The following CSMD1 variants were observed in gnomAD, a reference collection of about 807,000 sequenced individuals.
The protein encoded by CSMD1 is CUB and sushi domain-containing protein 1.
In CSMD1, 213 loss-of-function variants were observed where a neutral mutation model predicts 417.5. The ratio of observed to expected loss-of-function variants is 0.51; its 90% CI spans 0.46 to 0.57. The LOEUF is 0.57. CSMD1 is among the 20% of genes least tolerant of loss of function. The probability of loss-of-function intolerance (pLI) is 0.00; values close to 1 mark genes in which losing one functional copy is unlikely to be tolerated. For synonymous variants in CSMD1, 2,862 were observed against 1,736.8 expected, an observed-to-expected ratio of 1.65 and a Z score of -16.11; for missense variants, 6,923 against 4,529.7, an observed-to-expected ratio of 1.53 and a Z score of -15.17.
intron 3 of CSMD1, among the ~76,000 whole-genome samples, chr8:4,169,360 G>A (rs1412395200): frequency 6.6e-6 from 1 of 152,076 alleles, no homozygotes; most frequent in African/African-American, 2.4e-5. Context: ...AATGGCGACT[G>A]CGTTTTCCAC....
chr8:4,425,019 T>A (rs1374207336), intron 2 of CSMD1, among the ~76,000 whole-genome samples: 1 of 152,024 alleles, frequency 6.6e-6, no homozygotes, highest in Non-Finnish European at 1.5e-5. Context: ...AACATTAAAT[T>A]CTAAAAGTAA....
At chr8:3,697,467 T>G (rs1273689182) in intron 7 of CSMD1, among the ~76,000 whole-genome samples, 3 of 152,232 alleles carry the variant, frequency 2.0e-5, no homozygotes, top group African/African-American at 7.2e-5. Context: ...CTGACTTAGT[T>G]TGCTTGTGTA....
intron 3 of CSMD1, among the ~76,000 whole-genome samples, chr8:4,254,263 C>A (rs546683572): frequency 6.6e-6 from 1 of 152,124 alleles, no homozygotes; most frequent in Non-Finnish European, 1.5e-5. Context: ...ATAAAATCAG[C>A]GAACACCTGT....
At chr8:4,605,828 C>A (rs1424958304) in intron 2 of CSMD1, among the ~76,000 whole-genome samples, 2 of 152,082 alleles carry the variant, frequency 1.3e-5, no homozygotes, top group African/African-American at 4.8e-5. Context: ...TGATGGTGGA[C>A]AAGGGTTCGT....
intron 5 of CSMD1, among the ~76,000 whole-genome samples, chr8:3,962,092 G>C (rs867816574): frequency 1.1e-4 from 16 of 152,284 alleles, no homozygotes; most frequent in African/African-American, 3.6e-4. Context: ...CTTGAGCTTG[G>C]ACTCAGACCC....
chr8:3,440,106 T>A (rs1282307855), intron 12 of CSMD1, among the ~76,000 whole-genome samples: 1 of 152,224 alleles, frequency 6.6e-6, no homozygotes, highest in East Asian at 1.9e-4. Flanking sequence ...CACTCAATTT[T>A]GTTCTTCAAA....
chr8:4,342,821 G>T (rs527397022), intron 3 of CSMD1, among the ~76,000 whole-genome samples: 21 of 147,478 alleles, frequency 1.4e-4, no homozygotes, highest in African/African-American at 5.6e-4. Context: ...CCACAACATC[G>T]CAAAGAAAAA....
At chr8:4,147,583 C>A (rs1039236603) in intron 3 of CSMD1, among the ~76,000 whole-genome samples, 1 of 152,056 alleles carries the variant, frequency 6.6e-6, no homozygotes, top group African/African-American at 2.4e-5. Flanking sequence ...TGATAATGAC[C>A]CTAATAAATA....
At chr8:4,192,921 C>G (rs562323555) in intron 3 of CSMD1, among the ~76,000 whole-genome samples, 1 of 152,124 alleles carries the variant, frequency 6.6e-6, no homozygotes, top group African/African-American at 2.4e-5. Context: ...CTCACTTTAC[C>G]TAAGAGTATT....
chr8:4,472,761 A>G (rs561135640), intron 2 of CSMD1, among the ~76,000 whole-genome samples: 1 of 152,046 alleles, frequency 6.6e-6, no homozygotes, highest in Admixed American at 6.6e-5. Context: ...TTCTTTTAAT[A>G]TAGAAAGTTA....
At chr8:4,446,774 T>C (rs1402582391) in intron 2 of CSMD1, among the ~76,000 whole-genome samples, 2 of 149,030 alleles carry the variant, frequency 1.3e-5, no homozygotes, top group African/African-American at 5.0e-5. Context: ...TGTGTGTGTG[T>C]GTGTGTGTGT....
chr8:2,971,377 C>A (rs558676326), intron 57 of CSMD1, among the ~76,000 whole-genome samples: 1 of 152,146 alleles, frequency 6.6e-6, no homozygotes, highest in African/African-American at 2.4e-5. Flanking sequence ...ATCACTCAGA[C>A]GGTGTCTTTT....
intron 3 of CSMD1, among the ~76,000 whole-genome samples, chr8:4,260,108 CTT>C (rs1803765313): frequency 6.6e-6 from 1 of 152,076 alleles, no homozygotes; most frequent in East Asian, 1.9e-4. Context: ...TTGCTAGACT[CTT>C]CAACAAATTG....
At chr8:4,833,253 G>A (rs1029435076) in intron 1 of CSMD1, among the ~76,000 whole-genome samples, 2 of 152,172 alleles carry the variant, frequency 1.3e-5, no homozygotes, top group African/African-American at 4.8e-5. Flanking sequence ...CTGTTCAGGA[G>A]CATGGCTGGG....
chr8:3,651,723 A>G (rs1797867198), intron 7 of CSMD1, among the ~76,000 whole-genome samples: 1 of 152,050 alleles, frequency 6.6e-6, no homozygotes, highest in Non-Finnish European at 1.5e-5. Flanking sequence ...AGTGCTTACC[A>G]GCAACAGCGT....
intron 4 of CSMD1, among the ~76,000 whole-genome samples, chr8:4,017,073 T>A (rs527952694): frequency 6.6e-6 from 1 of 152,306 alleles, no homozygotes; most frequent in South Asian, 2.1e-4. Context: ...GAGGCAAGAC[T>A]TCAGAATGTA....
At chr8:4,540,170 T>C (rs1384538827) in intron 2 of CSMD1, among the ~76,000 whole-genome samples, 2 of 152,106 alleles carry the variant, frequency 1.3e-5, no homozygotes, top group African/African-American at 4.8e-5. Context: ...TGGACTCAAG[T>C]TAGGAATGAA....
chr8:3,307,364 C>G (rs1263925570), intron 25 of CSMD1, among the ~76,000 whole-genome samples: 1 of 152,098 alleles, frequency 6.6e-6, no homozygotes, highest in African/African-American at 2.4e-5. Context: ...TGCTCATCCC[C>G]AGGCAGTCTC....
intron 2 of CSMD1, among the ~76,000 whole-genome samples, chr8:4,512,288 C>G (rs1271813579): frequency 6.6e-6 from 1 of 152,160 alleles, no homozygotes. Flanking sequence ...GGGAAACCTT[C>G]TCAATCTGGT....
Sources: allele counts gnomAD v4.1 joint callset (sites outside exome capture counted in the v4.1 genomes callset), GRCh38; gene constraint gnomAD v4.1.1; transcripts MANE v1.5; gene names NCBI Gene and HGNC (gene_info 2026-07-23, HGNC 2026-07-21).